SORCS3: variants seen among roughly 807,000 people sequenced by gnomAD.
The protein encoded by SORCS3 is VPS10 domain-containing receptor SorCS3.
In SORCS3, 57 loss-of-function variants were observed where a neutral mutation model predicts 146.3. The ratio of observed to expected loss-of-function variants is 0.39; its 90% CI spans 0.31 to 0.49. SORCS3 has a LOEUF of 0.49. SORCS3 is among the 20% of genes least tolerant of loss of function. The pLI, the probability that SORCS3 is intolerant of heterozygous loss-of-function variation, is 0.92. For synonymous variants in SORCS3, 653 were observed against 618.5 expected (o/e 1.06, Z -0.83); for missense variants, 1,341 against 1,575.5 (o/e 0.85, Z 2.52).
At chr10:105,066,012 G>C (rs2055520462) in intron 5 of SORCS3, among the ~76,000 whole-genome samples, 1 of 152,132 alleles carries the variant, frequency 6.6e-6, no homozygotes, top group African/African-American at 2.4e-5. Context: ...TATTTCCCAA[G>C]ACCCTAGAAA....
At chr10:104,708,092 C>A (rs931842809) in intron 1 of SORCS3, among the ~76,000 whole-genome samples, 2 of 152,200 alleles carry the variant, frequency 1.3e-5, no homozygotes, top group African/African-American at 4.8e-5. Context: ...TGGAACTACA[C>A]TCATTGTTTA....
chr10:104,776,777 G>C (rs1361906689), intron 1 of SORCS3, among the ~76,000 whole-genome samples: 1 of 149,722 alleles, frequency 6.7e-6, no homozygotes, highest in East Asian at 2.0e-4. Flanking sequence ...ACCTGGGTCA[G>C]GAAAAATTGT....
At chr10:105,139,699 T>C (rs1040653347) in intron 8 of SORCS3, among the ~76,000 whole-genome samples, 1 of 152,152 alleles carries the variant, frequency 6.6e-6, no homozygotes, top group Admixed American at 6.5e-5. Context: ...AGCTTTGATT[T>C]CCTGTAACTC....
chr10:105,044,166 C>T (rs1169914093), intron 5 of SORCS3, among the ~76,000 whole-genome samples: 1 of 151,956 alleles, frequency 6.6e-6, no homozygotes, highest in Non-Finnish European at 1.5e-5. Context: ...GCCAGGAGTT[C>T]AAGACCAGCC....
chr10:104,973,081 G>A (rs2054870678), intron 3 of SORCS3, among the ~76,000 whole-genome samples: 1 of 152,054 alleles, frequency 6.6e-6, no homozygotes, highest in South Asian at 2.1e-4. Context: ...TTGATGTGCT[G>A]CTGGATTCGT....
intron 5 of SORCS3, among the ~76,000 whole-genome samples, chr10:105,054,669 G>C (rs1487382680): frequency 1.3e-5 from 2 of 151,540 alleles, no homozygotes; most frequent in Non-Finnish European, 2.9e-5. Flanking sequence ...TTTTACATAA[G>C]ATAAACTCTG....
chr10:104,936,809 A>G (rs976899741), intron 3 of SORCS3, among the ~76,000 whole-genome samples: 22 of 152,222 alleles, frequency 1.4e-4, no homozygotes, highest in African/African-American at 5.1e-4. Flanking sequence ...AGTGATCAAC[A>G]TGGTGCCAGG....
At chr10:104,895,214 T>G (rs2018786924) in intron 2 of SORCS3, among the ~76,000 whole-genome samples, 1 of 152,206 alleles carries the variant, frequency 6.6e-6, no homozygotes, top group African/African-American at 2.4e-5. Context: ...TTCAATCCCT[T>G]TCCACATCTG....
intron 1 of SORCS3, among the ~76,000 whole-genome samples, chr10:104,811,767 C>T (rs744823): frequency 0.37 from 55,851 of 151,890 alleles, 11,114 homozygotes; most frequent in East Asian, 0.66. Context: ...AGCCAGATAG[C>T]AGACAGCCTT....
At chr10:105,233,978 G>T (rs1053855631) in intron 20 of SORCS3, among the ~76,000 whole-genome samples, 1 of 152,016 alleles carries the variant, frequency 6.6e-6, no homozygotes, top group Non-Finnish European at 1.5e-5. Context: ...CTTCTTCATT[G>T]TTCTTTCTTT....
chr10:104,904,770 G>T (rs2018886976), intron 2 of SORCS3, among the ~76,000 whole-genome samples: 1 of 142,234 alleles, frequency 7.0e-6, no homozygotes, highest in Non-Finnish European at 1.5e-5. Flanking sequence ...TATATGATGT[G>T]GCTATCTTGT....
intron 3 of SORCS3, among the ~76,000 whole-genome samples, chr10:104,959,120 C>T (rs73349913): frequency 0.059 from 8,994 of 152,136 alleles, 259 homozygotes; most frequent in African/African-American, 0.074. Flanking sequence ...TCATTTTGGG[C>T]TTCTGACTTG....
chr10:105,234,969 A>G (rs2056784989), intron 20 of SORCS3, among the ~76,000 whole-genome samples: 1 of 152,070 alleles, frequency 6.6e-6, no homozygotes, highest in Admixed American at 6.6e-5. Context: ...ATGGCTGTAA[A>G]TAAGTCTTTA....
chr10:105,190,968 C>T (rs963766246), intron 14 of SORCS3, among the ~76,000 whole-genome samples: 6 of 152,154 alleles, frequency 3.9e-5, no homozygotes, highest in African/African-American at 1.2e-4. Flanking sequence ...CCTCATTTTG[C>T]ACATGAGGAA....
At chr10:105,108,421 C>G (rs1245939791) in intron 7 of SORCS3, among the ~76,000 whole-genome samples, 1 of 152,082 alleles carries the variant, frequency 6.6e-6, no homozygotes, top group African/African-American at 2.4e-5. Flanking sequence ...CTGAGTTGAT[C>G]TATTGTAAAG....
chr10:105,151,831 A>G (rs2056169748), intron 9 of SORCS3, among the ~76,000 whole-genome samples: 1 of 152,104 alleles, frequency 6.6e-6, no homozygotes, highest in Admixed American at 6.6e-5. Flanking sequence ...GCTTCAAAGT[A>G]CAATGTTGTC....
At chr10:105,227,654 C>T (rs1187611816) in intron 20 of SORCS3, among the ~76,000 whole-genome samples, 1 of 152,042 alleles carries the variant, frequency 6.6e-6, no homozygotes, top group Non-Finnish European at 1.5e-5. Flanking sequence ...AAGTTCCCAA[C>T]TATAATTGTG....
chr10:104,770,853 A>G (rs572173622), intron 1 of SORCS3, among the ~76,000 whole-genome samples: 1 of 152,230 alleles, frequency 6.6e-6, no homozygotes, highest in East Asian at 1.9e-4. Flanking sequence ...AACAAAGAAG[A>G]AATGAAAACA....
At chr10:104,915,116 G>A (rs1272742330) in intron 2 of SORCS3, among the ~76,000 whole-genome samples, 1 of 152,134 alleles carries the variant, frequency 6.6e-6, no homozygotes, top group Non-Finnish European at 1.5e-5. Flanking sequence ...TGGAAAGAAA[G>A]GAGCCTCTAC....
Sources: allele counts gnomAD v4.1 joint callset (sites outside exome capture counted in the v4.1 genomes callset), GRCh38; gene constraint gnomAD v4.1.1; transcripts MANE v1.5; gene names NCBI Gene and HGNC (gene_info 2026-07-23, HGNC 2026-07-21).